The following CNTN3 variants were observed in gnomAD, a reference collection of about 807,000 sequenced individuals.
CNTN3 encodes contactin-3.
In CNTN3, 60 loss-of-function variants were observed where a neutral mutation model predicts 119.1. The ratio of observed to expected loss-of-function variants is 0.50; its 90% CI spans 0.41 to 0.62. The LOEUF is 0.62. CNTN3 is among the 20% of genes least tolerant of loss of function. The pLI, the probability that CNTN3 is intolerant of heterozygous loss-of-function variation, is 0.00. For missense variants in CNTN3, 1,101 were observed against 1,242.4 expected, an observed-to-expected ratio of 0.89 and a Z score of 1.71; for synonymous variants, 450 against 438.7, an observed-to-expected ratio of 1.03 and a Z score of -0.32.
chr3:74,559,623 A>T (rs935947064), intron 1 of CNTN3, among the ~76,000 whole-genome samples: 5 of 152,206 alleles, frequency 3.3e-5, no homozygotes, highest in Non-Finnish European at 5.9e-5. Context: ...AAAAGAAAAA[A>T]AAAAAGCAGT....
At chr3:74,323,998 A>G (rs965398950) in intron 13 of CNTN3, among the ~76,000 whole-genome samples, 4 of 152,126 alleles carry the variant, frequency 2.6e-5, no homozygotes, top group Non-Finnish European at 4.4e-5. Flanking sequence ...CTCTCTTAGA[A>G]CTTTCAGAGA....
chr3:74,505,424 A>T (rs1703238532), intron 2 of CNTN3, among the ~76,000 whole-genome samples: 1 of 151,714 alleles, frequency 6.6e-6, no homozygotes, highest in African/African-American at 2.4e-5. Context: ...GACCAAGTGG[A>T]CACCATGAGG....
rs542677416 is a variant in CNTN3, at chr3:74,462,893, G to T, written c.358+23563C>A. 2.0e-5 allele frequency among the ~76,000 whole-genome samples: 3 copies of T among 152,176 alleles called. No individual in the cohort carries two copies. The East Asian group carries it at 5.8e-4, about 29-fold the overall frequency. The stretch of plus-strand genomic sequence containing the variant: ...CAGAAACAATCAGCATCTCTAATCT[G>T]AAACTTTTCATATTCTTCCATGCCC... On this transcript the variant is annotated intron_variant, in intron 4 of 22. Transcript: ENST00000263665.
intron 2 of CNTN3, among the ~76,000 whole-genome samples, chr3:74,511,814 A>G (rs1362087418): frequency 6.6e-6 from 1 of 152,168 alleles, no homozygotes; most frequent in African/African-American, 2.4e-5. Flanking sequence ...ACAAGGGCAG[A>G]GTTGAGTAGT....
chr3:74,400,595 T>C (rs1322450635), intron 5 of CNTN3, among the ~76,000 whole-genome samples: 1 of 152,180 alleles, frequency 6.6e-6, no homozygotes, highest in East Asian at 1.9e-4. Flanking sequence ...AAGAGTGTAA[T>C]TGTGATCAAC....
At chr3:74,501,543 C>T (rs189034659) in intron 2 of CNTN3, among the ~76,000 whole-genome samples, 15 of 152,092 alleles carry the variant, frequency 9.9e-5, no homozygotes, top group Middle Eastern at 3.4e-3. Flanking sequence ...TTTTCAGCAA[C>T]GTTTGTAAGT....
At chr3:74,386,579 C>A (rs1023395656) in intron 5 of CNTN3, among the ~76,000 whole-genome samples, 1 of 152,138 alleles carries the variant, frequency 6.6e-6, no homozygotes, top group Non-Finnish European at 1.5e-5. Context: ...ACACAGAAAA[C>A]AAACAAAGCA....
chr3:74,305,326 T>C (rs1575711348), intron 13 of CNTN3, among the ~76,000 whole-genome samples: 2 of 151,468 alleles, frequency 1.3e-5, no homozygotes, highest in South Asian at 4.2e-4. Flanking sequence ...TTGGTACAAT[T>C]ACTCTGGACA....
intron 14 of CNTN3, 61 bp from the exon 15 acceptor site, chr3:74,301,866 C>A: frequency 6.4e-7 from 1 of 1,553,920 alleles, no homozygotes; most frequent in South Asian, 1.2e-5. Flanking sequence ...CCTCTCCTAT[C>A]AAAGAGAAGA....
intron 14 of CNTN3, 104 bp from the exon 15 acceptor site, chr3:74,301,909 T>A: frequency 7.8e-7 from 1 of 1,280,830 alleles, no homozygotes; most frequent in South Asian, 1.4e-5. Flanking sequence ...TATCTCTGAC[T>A]TTTCCCAATT....
At chr3:74,446,407 C>CGT (rs144086964) in intron 4 of CNTN3, among the ~76,000 whole-genome samples, 29 of 151,558 alleles carry the variant, frequency 1.9e-4, no homozygotes, top group Admixed American at 7.9e-4. Flanking sequence ...CAATATAATT[C>CGT]GTGTGTGTGT....
chr3:74,328,643 G>A lies in CNTN3; in HGVS notation c.1668+6092C>T, dbSNP rs376400263. 7.2e-5 allele frequency among the ~76,000 whole-genome samples: 11 copies of A among 152,174 alleles called. No individual in the cohort carries two copies. The East Asian group carries it at 1.7e-3, about 24-fold the overall frequency. ...ATTGTACTTGATAAATACAGCCCTTGGACATCAATCACACTTTAAGCAGGA... is the reference window on the plus strand; with the variant it reads ...ATTGTACTTGATAAATACAGCCCTTAGACATCAATCACACTTTAAGCAGGA... On this transcript the variant is annotated intron_variant, in intron 13 of 22. Coordinates refer to ENST00000263665, the MANE Select transcript of CNTN3 (RefSeq NM_020872.3).
At chr3:74,294,215 T>C (rs1267923214) in intron 19 of CNTN3, among the ~76,000 whole-genome samples, 1 of 152,162 alleles carries the variant, frequency 6.6e-6, no homozygotes, top group Non-Finnish European at 1.5e-5. Flanking sequence ...ATCACAACTA[T>C]GAATCCCACA....
intron 4 of CNTN3, among the ~76,000 whole-genome samples, chr3:74,468,042 G>C (rs1702496329): frequency 1.3e-5 from 2 of 152,170 alleles, no homozygotes; most frequent in Non-Finnish European, 2.9e-5. Flanking sequence ...GGCCAAATGG[G>C]CTGATAATGT....
intron 8 of CNTN3, among the ~76,000 whole-genome samples, chr3:74,368,462 C>T (rs1466657235): frequency 3.3e-5 from 5 of 151,940 alleles, no homozygotes; most frequent in Non-Finnish European, 5.9e-5. Flanking sequence ...TGAATATATA[C>T]GTCTCCATAT....
intron 4 of CNTN3, among the ~76,000 whole-genome samples, chr3:74,426,186 A>G (rs1435657471): frequency 2.6e-5 from 4 of 151,934 alleles, no homozygotes; most frequent in African/African-American, 9.7e-5. Context: ...AGAGGAAGAA[A>G]GATCTGTTTC....
intron 4 of CNTN3, among the ~76,000 whole-genome samples, chr3:74,432,175 G>T (rs1270623157): frequency 6.6e-6 from 1 of 152,084 alleles, no homozygotes; most frequent in Non-Finnish European, 1.5e-5. Context: ...GCCAATAAAA[G>T]AAATTTGTGC....
intron 4 of CNTN3, among the ~76,000 whole-genome samples, chr3:74,445,455 G>T (rs1702034280): frequency 6.6e-6 from 1 of 151,828 alleles, no homozygotes; most frequent in South Asian, 2.1e-4. Flanking sequence ...GTAGAGACGG[G>T]GTTTCACCAT....
At chr3:74,369,053 A>G (rs1175190699) in intron 8 of CNTN3, 136 bp downstream of exon 8, 5 of 534,834 alleles carry the variant, frequency 9.3e-6, no homozygotes, top group Non-Finnish European at 1.5e-5. Flanking sequence ...AATGTTTATC[A>G]TCACTTAACA....
Sources: gnomAD v4.1 joint callset for allele counts (sites outside exome capture counted in the v4.1 genomes callset) on GRCh38, gnomAD v4.1.1 for gene constraint, MANE v1.5 for transcripts, NCBI Gene and HGNC (gene_info 2026-07-23, HGNC 2026-07-21) for gene names.